Variants in PDE4D observed in about 807,000 individuals in gnomAD.
PDE4D encodes the protein phosphodiesterase 4D.
A neutral mutation model predicts 87.4 loss-of-function variants in PDE4D; 24 were observed. The observed-to-expected ratio is 0.27, with a 90% CI of 0.20 to 0.39. The LOEUF is 0.39. Ranked by LOEUF, PDE4D falls within the 10% of genes least tolerant of loss-of-function variation. The pLI, the probability that PDE4D is intolerant of heterozygous loss-of-function variation, is 1.00. For missense variants in PDE4D, 714 were observed against 1,041.0 expected (o/e 0.69, Z 4.32); for synonymous variants, 384 against 383.2 (o/e 1.00, Z -0.02).
intron 1 of PDE4D, among the ~76,000 whole-genome samples, chr5:59,738,361 C>A (rs1218615756): frequency 6.6e-6 from 1 of 152,004 alleles, no homozygotes; most frequent in African/African-American, 2.4e-5. Context: ...GAGTTCCTTT[C>A]CCCATGAATA....
chr5:60,492,769 C>T (rs780049011), upstream of PDE4D, among the ~76,000 whole-genome samples: 7 of 151,966 alleles, frequency 4.6e-5, no homozygotes, highest in Non-Finnish European at 8.8e-5. Flanking sequence ...GGAGGGATAG[C>T]ATTAGGAGAA....
intron 3 of PDE4D, among the ~76,000 whole-genome samples, chr5:59,980,508 G>A (rs1416523309): frequency 2.0e-5 from 3 of 152,210 alleles, no homozygotes; most frequent in Non-Finnish European, 2.9e-5. Context: ...GTTGGTGAAC[G>A]CAGAAGTTGT....
At position 60,487,359 on chromosome 5, in the gene PDE4D, T is replaced by C. The variant is rs1749232378; in HGVS notation, c.-90+583A>G. 1.3e-5 allele frequency among the ~76,000 whole-genome samples: 2 copies of C among 152,224 alleles called. 1 individual carries two copies. The highest frequency in any genetic ancestry group is 2.9e-5 in the Non-Finnish European group (2 of 68,028). On this transcript the variant is annotated intron_variant, in intron 1 of 16. Coordinates refer to the PDE4D transcript ENST00000502484. ...GTTTTTCATTCAGCCCTCTACCACA[T>C]AAACAGAACCACTGAAGAGCATTTT...
chr5:60,003,209 T>C (rs1003366000), intron 2 of PDE4D, among the ~76,000 whole-genome samples: 2 of 151,996 alleles, frequency 1.3e-5, no homozygotes, highest in African/African-American at 2.4e-5. Flanking sequence ...AGGTGAAAGA[T>C]CTCTACACTT....
chr5:59,380,555 C>CCTG (rs1176639899), intron 1 of PDE4D, among the ~76,000 whole-genome samples: 6 of 152,268 alleles, frequency 3.9e-5, no homozygotes, highest in African/African-American at 1.4e-4. Context: ...ACAAATTATG[C>CCTG]ACATTGAGGT....
At chr5:60,040,447 CATT>C (rs1768343611) in intron 2 of PDE4D, among the ~76,000 whole-genome samples, 1 of 152,204 alleles carries the variant, frequency 6.6e-6, no homozygotes, top group South Asian at 2.1e-4. Flanking sequence ...TGTAGAATAA[CATT>C]GTCCTAATTA....
intron 1 of PDE4D, among the ~76,000 whole-genome samples, chr5:60,214,909 G>T (rs12520400): frequency 0.36 from 54,625 of 152,008 alleles, 10,255 homozygotes; most frequent in Admixed American, 0.44. Context: ...AAATGTAACA[G>T]GTGAAGAAAA....
chr5:60,220,677 C>T (rs1436868619), intron 1 of PDE4D, among the ~76,000 whole-genome samples: 1 of 152,076 alleles, frequency 6.6e-6, no homozygotes, highest in Non-Finnish European at 1.5e-5. Context: ...GCAGAAAAAA[C>T]CTTCCCCATC....
rs116356941 is a variant in PDE4D, at chr5:60,279,253, G to T, written c.-89-93566C>A. 1.9e-3 allele frequency among the ~76,000 whole-genome samples: 296 copies of T among 152,266 alleles called. 1 individual carries two copies. Among genetic ancestry groups the T allele is most frequent in the African/African-American group, 6.8e-3 (283 of 41,560 alleles). On this transcript the variant is annotated intron_variant, in intron 1 of 16. Coordinates refer to the PDE4D transcript ENST00000502484. ...GGCAGTGGTGAAGGTCCTGAATATTGTCTAGGCCTCCACGGACACCAGCCC... is the reference window on the plus strand; with the variant it reads ...GGCAGTGGTGAAGGTCCTGAATATTTTCTAGGCCTCCACGGACACCAGCCC...
intron 1 of PDE4D, among the ~76,000 whole-genome samples, chr5:60,441,631 A>G (rs2150134080): frequency 6.6e-6 from 1 of 152,346 alleles, no homozygotes; most frequent in South Asian, 2.1e-4. Flanking sequence ...AAAAGAAACT[A>G]TCATCAGAGT....
intron 3 of PDE4D, among the ~76,000 whole-genome samples, chr5:59,981,642 A>G (rs1761944114): frequency 6.6e-6 from 1 of 152,230 alleles, no homozygotes; most frequent in Non-Finnish European, 1.5e-5. Flanking sequence ...ATAACATTCA[A>G]TAAGAACTTA....
At chr5:59,873,085 C>T (rs936189541) in intron 1 of PDE4D, among the ~76,000 whole-genome samples, 1 of 152,122 alleles carries the variant, frequency 6.6e-6, no homozygotes, top group South Asian at 2.1e-4. Flanking sequence ...CATTTCTTGT[C>T]CCTCCTCATG....
intron 1 of PDE4D, among the ~76,000 whole-genome samples, chr5:60,373,584 G>C (rs1005866442): frequency 6.6e-6 from 1 of 152,106 alleles, no homozygotes; most frequent in African/African-American, 2.4e-5. Flanking sequence ...CAACTGTCAG[G>C]CTCTTCAGAA....
chr5:60,350,481 A>G (rs1391628561), intron 1 of PDE4D, among the ~76,000 whole-genome samples: 1 of 152,150 alleles, frequency 6.6e-6, no homozygotes, highest in Non-Finnish European at 1.5e-5. Flanking sequence ...TGAGCCATCC[A>G]CAGAAAGGGT....
At chr5:60,111,314 A>T (rs1364335593) in intron 2 of PDE4D, among the ~76,000 whole-genome samples, 1 of 151,888 alleles carries the variant, frequency 6.6e-6, no homozygotes, top group African/African-American at 2.4e-5. Context: ...AAAAGAAAAA[A>T]CCTATCTGAC....
At chr5:59,872,563 A>G (rs946382036) in intron 1 of PDE4D, among the ~76,000 whole-genome samples, 5 of 152,184 alleles carry the variant, frequency 3.3e-5, no homozygotes, top group Admixed American at 6.5e-5. Flanking sequence ...TCATGACTGT[A>G]TAGACCCTGC....
chr5:59,179,764 G>A lies in PDE4D; in HGVS notation c.808+831C>T, dbSNP rs188553207. On this transcript the variant is annotated intron_variant, in intron 5 of 14. Coordinates refer to ENST00000340635, the MANE Select transcript of PDE4D (RefSeq NM_001104631.2). ...TCCAATGACGAATTGTTTTAGTTTG[G>A]AGAATATGCTAATTTTCTTCTGGTA... The A allele has an allele frequency of 5.2e-5, 17 of 328,788 alleles. No individual in the cohort carries two copies. The East Asian group carries it at 1.8e-3, about 34-fold the overall frequency. 20.4% of individuals were successfully genotyped at this position (328,788 alleles called of 1,614,324 possible).
At chr5:60,400,923 C>T (rs368667655) in intron 1 of PDE4D, among the ~76,000 whole-genome samples, 43 of 152,100 alleles carry the variant, frequency 2.8e-4, no homozygotes, top group African/African-American at 9.7e-4. Flanking sequence ...AAGTTTGCTT[C>T]GTGCACAAAT....
chr5:59,082,881 C>T (rs981978742), intron 5 of PDE4D, among the ~76,000 whole-genome samples: 14 of 152,116 alleles, frequency 9.2e-5, no homozygotes, highest in African/African-American at 3.1e-4. Context: ...CTAACTTAGG[C>T]TGCCTGCTTT....
Sources: gnomAD v4.1 joint callset for allele counts (sites outside exome capture counted in the v4.1 genomes callset) on GRCh38, gnomAD v4.1.1 for gene constraint, MANE v1.5 for transcripts, NCBI Gene and HGNC (gene_info 2026-07-23, HGNC 2026-07-21) for gene names.